Variants in CACNG5 observed in about 807,000 individuals in gnomAD.
CACNG5 encodes calcium voltage-gated channel auxiliary subunit gamma 5, also known as voltage-dependent calcium channel gamma-5 subunit.
CACNG5 carries 18 observed loss-of-function variants against 24.8 expected under a neutral mutation model. The observed-to-expected ratio is 0.73, with a 90% CI of 0.50 to 1.08. CACNG5 has a LOEUF of 1.08. Among genes scored for constraint, CACNG5 ranks in the 50% least tolerant of loss-of-function variants. The pLI, the probability that CACNG5 is intolerant of heterozygous loss-of-function variation, is 0.00. For missense variants in CACNG5, 349 were observed against 367.9 expected (o/e 0.95, Z 0.42); for synonymous variants, 157 against 149.1 (o/e 1.05, Z -0.39).
At chr17:66,844,095 G>A (rs573336788) in intron 1 of CACNG5, among the ~76,000 whole-genome samples, 1 of 152,300 alleles carries the variant, frequency 6.6e-6, no homozygotes, top group South Asian at 2.1e-4. Context: ...TCTCTGATAG[G>A]AGGTAGCAGG....
intron 2 of CACNG5, among the ~76,000 whole-genome samples, chr17:66,878,709 A>G (rs1977117600): frequency 6.6e-6 from 1 of 151,880 alleles, no homozygotes; most frequent in Non-Finnish European, 1.5e-5. Context: ...TGCAATACCA[A>G]CCTCTTTTCA....
Position 66,887,066 on chromosome 17 carries a change from C to T in CACNG5, c.*1826C>T, listed in dbSNP as rs181276994. 4.6e-5 allele frequency among the ~76,000 whole-genome samples: 7 copies of T among 152,330 alleles called. No individual in the cohort carries two copies. Among genetic ancestry groups the T allele is most frequent in the Admixed American group, 3.3e-4 (5 of 15,300 alleles). The stretch of plus-strand genomic sequence containing the variant: ...TCTTTAAAGGCTCTATCTCCAAATA[C>T]AGTCATGTTCTGAGGTACTGAGGGT... On this transcript the variant is annotated 3_prime_UTR_variant, in exon 6 of 6. Transcript: ENST00000533854.
chr17:66,853,148 C>G (rs940392855), intron 1 of CACNG5, among the ~76,000 whole-genome samples: 1 of 152,130 alleles, frequency 6.6e-6, no homozygotes, highest in South Asian at 2.1e-4. Flanking sequence ...CTCATTTGGC[C>G]TAATGCTTTC....
At position 66,885,164 on chromosome 17, in the gene CACNG5, C is replaced by G. The variant is rs766145668; in HGVS notation, c.752C>G (p.Ser251Cys). 4 of 1,612,780 alleles carry G rather than the reference C, an allele frequency of 2.5e-6. No individual in the cohort carries two copies. The East Asian group carries it at 8.9e-5, about 36-fold the overall frequency. The change falls in exon 6 of 6, where the codon TCC becomes TGC. Residue 251 changes from serine to cysteine, a missense_variant. Physicochemically the swap from Ser to Cys is moderately radical, Grantham distance 112. Transcript: ENST00000533854. ...CCCTCCGACATCTCCAGCGAGGCCT[C>G]CCTGCAGATGAACAGCAACTACCCC... ...RSPSDISSEA[S>C]LQMNSNYPAL... is the part of the protein sequence containing the mutation.
Position 66,886,667 on chromosome 17 carries a change from G to A in CACNG5, c.*1427G>A, listed in dbSNP as rs1051478432. 5.3e-4 allele frequency among the ~76,000 whole-genome samples: 81 copies of A among 152,340 alleles called. No individual in the cohort carries two copies. The highest frequency in any genetic ancestry group is 3.4e-3 in the Middle Eastern group (1 of 294). ...GAACAGAAAGCCATGGTGGCGACAC[G>A]TGGGCTCCAGCACGTAGTCCAGAAA... is the stretch of plus-strand genomic sequence containing the variant. On this transcript the variant is annotated 3_prime_UTR_variant, in exon 6 of 6. Coordinates refer to ENST00000533854, the MANE Select transcript of CACNG5 (RefSeq NM_145811.3).
Position 66,839,289 on chromosome 17 carries a change from T to C in CACNG5, c.-104+4039T>C, listed in dbSNP as rs1274575787. On this transcript the variant is annotated intron_variant, in intron 1 of 5. Transcript: ENST00000533854. ...CCACCCATTCTGACAACCAAAAATG[T>C]CTCCAGAGATTGCCAAAAATCCCCT... Among the ~76,000 whole-genome samples the C allele has an allele frequency of 9.0e-5, 10 of 111,572 alleles. No homozygotes were observed. In the Admixed American group the frequency reaches 9.0e-4, roughly 10 times the overall value. The allele number at this position is 111,572 out of a possible 152,430, so 73.2% of individuals were successfully genotyped here.
intron 1 of CACNG5, among the ~76,000 whole-genome samples, chr17:66,841,893 G>A (rs1296817222): frequency 2.0e-5 from 3 of 152,204 alleles, no homozygotes; most frequent in African/African-American, 7.2e-5. Context: ...AACCTCTGAA[G>A]GTCCTCTAGC....
intron 1 of CACNG5, among the ~76,000 whole-genome samples, chr17:66,871,714 G>T (rs766109139): frequency 1.3e-5 from 2 of 152,138 alleles, no homozygotes; most frequent in Non-Finnish European, 2.9e-5. Flanking sequence ...AAAAAAATTA[G>T]CCGGGCGTGG....
intron 1 of CACNG5, among the ~76,000 whole-genome samples, chr17:66,870,765 G>A (rs568999485): frequency 2.0e-5 from 3 of 152,282 alleles, no homozygotes; most frequent in Admixed American, 2.0e-4. Context: ...AATCACTTGA[G>A]GTCAGGAGTT....
chr17:66,854,116 T>C (rs1976740338), intron 1 of CACNG5, among the ~76,000 whole-genome samples: 1 of 152,058 alleles, frequency 6.6e-6, no homozygotes, highest in East Asian at 1.9e-4. Flanking sequence ...AATTTAAGAA[T>C]GTCTGAAAAG....
chr17:66,885,185 A>T lies in CACNG5; in HGVS notation c.773A>T (p.Tyr258Phe). Residue 258 changes from tyrosine (Y) to phenylalanine (F), a missense_variant, in exon 6 of 6, where the codon TAC becomes TTC. Tyr to Phe is a conservative substitution (Grantham distance 22). Coordinates refer to ENST00000533854, the MANE Select transcript of CACNG5 (RefSeq NM_145811.3). Reference protein sequence around the residue: ...SEASLQMNSNYPALLKCPDYD... With the variant: ...SEASLQMNSNFPALLKCPDYD... ...GCCTCCCTGCAGATGAACAGCAACTACCCCGCCTTGCTCAAGTGCCCCGAC... is the reference window on the plus strand; with the variant it reads ...GCCTCCCTGCAGATGAACAGCAACTTCCCCGCCTTGCTCAAGTGCCCCGAC... 6.2e-7 allele frequency: 1 copy of T among 1,608,388 alleles called. No individual in the cohort carries two copies. The highest frequency in any genetic ancestry group is 8.5e-7 in the Non-Finnish European group (1 of 1,179,310).
rs1411637860 is a variant in CACNG5, at chr17:66,852,939, TTCTC to T, written c.-104+17693_-104+17696del. On this transcript the variant is annotated intron_variant, in intron 1 of 5. Transcript: ENST00000533854. ...TCTCTCTTCTCTTTCTCTCTTGTCT[TTCTC>T]TCTTCTCCTCCTCTCCTTCTCTCCT... Among the ~76,000 whole-genome samples the T allele has an allele frequency of 8.6e-5, 13 of 151,476 alleles. No homozygotes were observed. In the East Asian group the frequency reaches 2.3e-3, roughly 27 times the overall value.
chr17:66,845,033 G>A (rs1364544785), intron 1 of CACNG5, among the ~76,000 whole-genome samples: 2 of 152,106 alleles, frequency 1.3e-5, no homozygotes, highest in African/African-American at 2.4e-5. Context: ...GCAAAGACTT[G>A]GAACCAACCC....
intron 1 of CACNG5, among the ~76,000 whole-genome samples, chr17:66,841,122 A>T (rs771827798): frequency 2.6e-5 from 4 of 152,262 alleles, no homozygotes; most frequent in Admixed American, 2.0e-4. Context: ...GCTTGGTTTT[A>T]TATGTTTCAG....
chr17:66,891,589 T>A lies in CACNG5; in HGVS notation c.*6349T>A, dbSNP rs1004548622. On this transcript the variant is annotated 3_prime_UTR_variant, in exon 6 of 6. Transcript: ENST00000533854. ...GACAGCTTGGTTTTAAGAGTGAGGG[T>A]CCCAAGAGACAGGCAGAAGCTTCAT... Among the ~76,000 whole-genome samples, 5 of 152,158 alleles carry A rather than the reference T, an allele frequency of 3.3e-5. No homozygotes were observed. The highest frequency in any genetic ancestry group is 1.2e-4 in the African/African-American group (5 of 41,446).
At chr17:66,847,022 G>T (rs562993625) in intron 1 of CACNG5, among the ~76,000 whole-genome samples, 1 of 152,358 alleles carries the variant, frequency 6.6e-6, no homozygotes, top group East Asian at 1.9e-4. Flanking sequence ...CTTGTCAAAA[G>T]CTACACACCT....
rs1386866798 is a variant in CACNG5, at chr17:66,835,117, A to G, written c.-237A>G. 1.3e-5 allele frequency: 2 copies of G among 152,084 alleles called. No homozygotes were observed. Among genetic ancestry groups the G allele is most frequent in the Non-Finnish European group, 2.9e-5 (2 of 68,030 alleles). 9.4% of individuals were successfully genotyped at this position (152,084 alleles called of 1,614,324 possible). ...AGCTGCGGCGGCGGCGGCCACGGTC[A>G]TTGGCGCCGAGCGGTTCCGGCTGAC... On this transcript the variant is annotated 5_prime_UTR_variant, in exon 1 of 6. Coordinates refer to ENST00000533854, the MANE Select transcript of CACNG5 (RefSeq NM_145811.3).
At chr17:66,868,550 C>T (rs1229664552) in intron 1 of CACNG5, among the ~76,000 whole-genome samples, 1 of 152,154 alleles carries the variant, frequency 6.6e-6, no homozygotes, top group Non-Finnish European at 1.5e-5. Flanking sequence ...TCATCAGGAC[C>T]TCCATCCCTC....
In CACNG5 at chr17:66,889,998, C is replaced by T. The variant is rs562459124; in HGVS notation, c.*4758C>T. 9.1e-4 allele frequency among the ~76,000 whole-genome samples: 139 copies of T among 152,340 alleles called. 1 individual carries two copies. Among genetic ancestry groups the T allele is most frequent in the African/African-American group, 2.8e-3 (116 of 41,574 alleles). On this transcript the variant is annotated 3_prime_UTR_variant, in exon 6 of 6. Coordinates refer to ENST00000533854, the MANE Select transcript of CACNG5 (RefSeq NM_145811.3). ...CACCTGGGCTCTGTTCCTTCACCAG[C>T]TGCCTGGATTTTGGGTATGAGGGCC...
Sources: gnomAD v4.1 joint callset for allele counts (sites outside exome capture counted in the v4.1 genomes callset) on GRCh38, gnomAD v4.1.1 for gene constraint, MANE v1.5 for transcripts, NCBI Gene and HGNC (gene_info 2026-07-23, HGNC 2026-07-21) for gene names.